INTS11: variants seen among roughly 807,000 people sequenced by gnomAD.
The protein encoded by INTS11 is integrator complex subunit 11.
Under a neutral mutation model 78.6 loss-of-function variants are expected in INTS11, and 77 were observed. The observed-to-expected ratio is 0.98, with a 90% confidence interval of 0.81 to 1.18. INTS11 has a LOEUF of 1.18. Ranked by LOEUF, INTS11 falls within the 50% of genes most tolerant of loss-of-function variation. The pLI is 0.00. For synonymous variants in INTS11, 441 were observed against 326.9 expected, an observed-to-expected ratio of 1.35 and a Z score of -3.77; for missense variants, 875 against 825.9, an observed-to-expected ratio of 1.06 and a Z score of -0.73.
At position 1,314,273 on chromosome 1, in the gene INTS11, C is replaced by T; in HGVS notation, c.767+28G>A. 4.5e-6 allele frequency: 7 copies of T among 1,569,358 alleles called. No individual in the cohort carries two copies. The highest frequency in any genetic ancestry group is 6.0e-6 in the Non-Finnish European group (7 of 1,157,358). On this transcript the variant is annotated intron_variant, in intron 8 of 16. Coordinates refer to ENST00000435064, the MANE Select transcript of INTS11 (RefSeq NM_017871.6). The surrounding 1 kb of genome is among the most constrained non-coding windows in gnomAD (Gnocchi z 4.2). ...TGTGTTCAGGCCGGGCCAGGGGCTC[C>T]TTAAAGAGCCGTCCTGGCGGCACCT... is the stretch of plus-strand genomic sequence containing the variant.
chr1:1,315,437 C>T lies in INTS11; in HGVS notation c.530G>A (p.Gly177Asp). 2 of 1,613,242 alleles carry T rather than the reference C, an allele frequency of 1.2e-6. No homozygotes were observed. The highest frequency in any genetic ancestry group is 8.5e-7 in the Non-Finnish European group (1 of 1,179,948). ...KVGSESVVYT[G>D]DYNMTPDRHL... ...TCGGTCTGGGGTCATGTTATAATCA[C>T]CCTGGTGAACGATCAAGGATGCCAT... The change falls in exon 6 of 17, where the codon GGT (glycine) becomes GAT (aspartate). Residue 177 changes from glycine to aspartate, a missense_variant and splice_region_variant. Coordinates refer to ENST00000435064, the MANE Select transcript of INTS11 (RefSeq NM_017871.6).
Position 1,312,683 on chromosome 1 carries a change from G to A in INTS11, c.1312C>T (p.Pro438Ser), listed in dbSNP as rs1445116259. 3.1e-6 allele frequency: 5 copies of A among 1,594,502 alleles called. No individual in the cohort carries two copies. The highest frequency in any genetic ancestry group is 3.4e-5 in the Admixed American group (2 of 58,986). Reference sequence around the variant, plus strand: ...AGCGTCACCGTCTCGCCATTGGCCGGCATGTAGCAGTTGACCCCTGGACCC... The same window carrying A: ...AGCGTCACCGTCTCGCCATTGGCCGACATGTAGCAGTTGACCCCTGGACCC... ...EQELRVNCYM[P>S]ANGETVTLPT... Residue 438 changes from proline (P) to serine (S), a missense_variant, in exon 13 of 17, where the codon CCG becomes TCG. Pro to Ser is a moderately conservative substitution (Grantham distance 74, BLOSUM62 -1). Coordinates refer to ENST00000435064, the MANE Select transcript of INTS11 (RefSeq NM_017871.6).
intron 1 of INTS11, chr1:1,323,298 C>T (rs1037178933): frequency 1.4e-5 from 22 of 1,544,028 alleles, no homozygotes; most frequent in Middle Eastern, 1.7e-4. Flanking sequence ...CTGTGGAAAA[C>T]GCTAAGGACA....
intron 2 of INTS11, 130 bp from the exon 3 acceptor site, chr1:1,320,659 C>T (rs1169700805): frequency 8.6e-6 from 8 of 932,904 alleles, no homozygotes; most frequent in African/African-American, 1.6e-5. Context: ...ACTCCCATCC[C>T]GCAGGTGGCA....
At position 1,312,155 on chromosome 1, in the gene INTS11, G is replaced by A; in HGVS notation, c.1608-8C>T. ...CAGTGGTCCTTCAGGACGCTGTGGG[G>A]AGGCTCGGTGAGACCCTGCCTGGCC... On this transcript the variant is annotated splice_polypyrimidine_tract_variant and splice_region_variant and intron_variant, in intron 15 of 16. Coordinates refer to ENST00000435064, the MANE Select transcript of INTS11 (RefSeq NM_017871.6). 1.3e-6 allele frequency: 2 copies of A among 1,518,156 alleles called. No homozygotes were observed. Among genetic ancestry groups the A allele is most frequent in the Non-Finnish European group, 1.8e-6 (2 of 1,131,464 alleles). The allele number at this position is 1,518,156 out of a possible 1,614,324, so 94.0% of individuals were successfully genotyped here. A position where few individuals can be genotyped will look rare whatever the true frequency, so the allele number is the denominator to read the frequency against.
Position 1,314,493 on chromosome 1 carries a change from C to T in INTS11, c.703-128G>A. 1.3e-6 allele frequency: 1 copy of T among 790,726 alleles called. No individual in the cohort carries two copies. The allele number at this position is 790,726 out of a possible 1,614,324, so 49.0% of individuals were successfully genotyped here. ...AGGGACCTTAGCCTCTCATCTGCTC[C>T]CAGTCCCGTCCCAGCCGCTCTCCAG... On this transcript the variant is annotated intron_variant, in intron 7 of 16. Coordinates refer to ENST00000435064, the MANE Select transcript of INTS11 (RefSeq NM_017871.6). This position sits in a 1 kb window ranked among gnomAD's most constrained non-coding sequence, Gnocchi z 4.2.
chr1:1,322,573 C>T (rs957672377), intron 1 of INTS11, among the ~76,000 whole-genome samples: 16 of 15,150 alleles, frequency 1.1e-3, no homozygotes, highest in Middle Eastern at 0.071. Context: ...GGGGGAGGGA[C>T]GGGGTGGGGA....
At chr1:1,323,005 A>G (rs916300819) in intron 1 of INTS11, 8 of 1,388,930 alleles carry the variant, frequency 5.8e-6, no homozygotes, top group Non-Finnish European at 7.5e-6. Flanking sequence ...GGCAGCCAAG[A>G]GGCCAAATGG....
intron 1 of INTS11, 62 bp downstream of exon 1, chr1:1,324,519 C>A: frequency 6.6e-7 from 1 of 1,523,708 alleles, no homozygotes; most frequent in East Asian, 2.5e-5. Context: ...AGCGGGGCGC[C>A]CAGCCCGCCC....
At chr1:1,318,167 G>A (rs1366752099) in intron 4 of INTS11, among the ~76,000 whole-genome samples, 1 of 152,136 alleles carries the variant, frequency 6.6e-6, no homozygotes, top group Non-Finnish European at 1.5e-5. Flanking sequence ...ACCGCGCCTG[G>A]CCAAGGCAAA....
chr1:1,319,293 G>A lies in INTS11; in HGVS notation c.429+3C>T. The A allele has an allele frequency of 6.2e-7, 1 of 1,611,716 alleles. No individual in the cohort carries two copies. The highest frequency in any genetic ancestry group is 1.1e-5 in the South Asian group (1 of 91,046). ...GTGCCAGCTGTGGCCCTGGGAACCT[G>A]ACCTGGACCGTCTGGTGGAGGTGGA... On this transcript the variant is annotated splice_donor_region_variant and intron_variant, in intron 4 of 16. Coordinates refer to ENST00000435064, the MANE Select transcript of INTS11 (RefSeq NM_017871.6).
chr1:1,312,308 G>C lies in INTS11; in HGVS notation c.1525C>G (p.Leu509Val), dbSNP rs949448745. Reference protein sequence around the residue: ...LKELGLAEHQLRFTCRVHLHD... With the variant: ...LKELGLAEHQVRFTCRVHLHD... ...AGGTGCACGCGGCAGGTGAAGCGCA[G>C]CTGGTGCTCAGCCAGACCCAGCTCT... is the stretch of plus-strand genomic sequence containing the variant. The change falls in exon 15 of 17, where the codon CTG becomes GTG. Residue 509 changes from leucine to valine, a missense_variant. Transcript: ENST00000435064. The C allele has an allele frequency of 1.2e-5, 19 of 1,551,492 alleles. No homozygotes were observed. The highest frequency in any genetic ancestry group is 1.6e-5 in the Non-Finnish European group (18 of 1,147,546).
Position 1,312,050 on chromosome 1 carries a change from T to C in INTS11, c.1705A>G (p.Thr569Ala). Residue 569 changes from threonine to alanine, a missense_variant, in exon 16 of 17, where the codon ACC becomes GCC. Physicochemically the swap from Thr to Ala is moderately conservative, Grantham distance 58 (BLOSUM62 0). Coordinates refer to ENST00000435064, the MANE Select transcript of INTS11 (RefSeq NM_017871.6). ...QAAAPSEDPG[T>A]KVLLVSWTYQ... ...GTCCAGGAGACCAGCAGCACCTTGG[T>C]GCCTGGGTCCTCAGAAGGGGCGGCG... The C allele has an allele frequency of 6.4e-7, 1 of 1,573,482 alleles. No homozygotes were observed. The highest frequency in any genetic ancestry group is 8.6e-7 in the Non-Finnish European group (1 of 1,158,798).
chr1:1,312,207 G>GGGGGGCGGGGCCC lies in INTS11; in HGVS notation c.1607+18_1607+19insGGGCCCCGCCCCC. 2 of 1,151,086 alleles carry GGGGGGCGGGGCCC rather than the reference G, an allele frequency of 1.7e-6. No individual in the cohort carries two copies. Among genetic ancestry groups the GGGGGGCGGGGCCC allele is most frequent in the Non-Finnish European group, 2.4e-6 (2 of 820,454 alleles). 71.3% of individuals were successfully genotyped at this position (1,151,086 alleles called of 1,614,324 possible). On this transcript the variant is annotated intron_variant, in intron 15 of 16. Coordinates refer to ENST00000435064, the MANE Select transcript of INTS11 (RefSeq NM_017871.6). ...CCAGGGCCCAAGGGAGTGGGGGGGG[G>GGGGGGCGGGGCCC]GCGGGGCCGGGCGCCCACCTCTTGA...
rs983727680 is a variant in INTS11 at position 1,311,869 on chromosome 1, G to A, written c.1793C>T (p.Ala598Val). ...GGTGAGTTGCCGGCCTCAGCTGGGG[G>A]CCTGGGGGAGGCCCTTCTTCAGCAG... ...TSLLKKGLPQ[A>V]PS Residue 598 changes from alanine (A) to valine (V), a missense_variant, in exon 17 of 17, where the codon GCC becomes GTC. By Grantham distance (64) the Ala-to-Val change is moderately conservative. Transcript: ENST00000435064. The A allele has an allele frequency of 2.6e-6, 4 of 1,559,410 alleles. No individual in the cohort carries two copies. The highest frequency in any genetic ancestry group is 3.5e-6 in the Non-Finnish European group (4 of 1,152,422).
Position 1,314,329 on chromosome 1 carries a change from C to A in INTS11, c.739G>T (p.Glu247Ter). The A allele has an allele frequency of 6.2e-7, 1 of 1,606,568 alleles. No homozygotes were observed. The highest frequency in any genetic ancestry group is 2.2e-5 in the East Asian group (1 of 44,526). ...IPVFALGRAQ[E>*]LCILLETFWE... ...AAGGTCTCCAGGAGGATGCAGAGCT[C>A]CTGGGCGCGGCCCAGCGCGAACACA... The change falls in exon 8 of 17, where the codon GAG becomes TAG. Residue 247 changes from glutamate (E) to a stop codon, truncating the protein, a stop_gained. Transcript: ENST00000435064. LOFTEE classifies it high-confidence loss of function. The surrounding 1 kb of genome is among the most constrained non-coding windows in gnomAD (Gnocchi z 4.2).
chr1:1,320,714 C>T, intron 2 of INTS11, 185 bp from the exon 3 acceptor site: 1 of 734,774 alleles, frequency 1.4e-6, no homozygotes, highest in East Asian at 2.7e-5. Flanking sequence ...GCCGAGGTTA[C>T]CCCCAACCTC....
rs1642251448 is a variant in INTS11, at chr1:1,312,298, G to A, written c.1535C>T (p.Thr512Ile). The A allele has an allele frequency of 6.4e-7, 1 of 1,551,016 alleles. No individual in the cohort carries two copies. The highest frequency in any genetic ancestry group is 8.7e-7 in the Non-Finnish European group (1 of 1,147,290). Residue 512 changes from threonine to isoleucine, a missense_variant, in exon 15 of 17, where the codon ACC (threonine) becomes ATC (isoleucine). By Grantham distance (89) the Thr-to-Ile change is moderately conservative. Coordinates refer to ENST00000435064, the MANE Select transcript of INTS11 (RefSeq NM_017871.6). ...LGLAEHQLRF[T>I]CRVHLHDTRK... ...TGTGTCATGCAGGTGCACGCGGCAGGTGAAGCGCAGCTGGTGCTCAGCCAG... is the reference window on the plus strand; with the variant it reads ...TGTGTCATGCAGGTGCACGCGGCAGATGAAGCGCAGCTGGTGCTCAGCCAG...
chr1:1,312,956 A>G lies in INTS11; in HGVS notation c.1132-7T>C. On this transcript the variant is annotated splice_region_variant and splice_polypyrimidine_tract_variant and intron_variant, in intron 11 of 16. Coordinates refer to ENST00000435064, the MANE Select transcript of INTS11 (RefSeq NM_017871.6). ...CCTGCATCTTGACCTCCAGCTACAG[A>G]GGCCACGGGGCGTGGACAGTGGTTA... 6.2e-7 allele frequency: 1 copy of G among 1,611,544 alleles called. No individual in the cohort carries two copies. Among genetic ancestry groups the G allele is most frequent in the Non-Finnish European group, 8.5e-7 (1 of 1,179,036 alleles).
Sources: allele counts gnomAD v4.1 joint callset (sites outside exome capture counted in the v4.1 genomes callset), GRCh38; gene constraint gnomAD v4.1.1; non-coding constraint Gnocchi (gnomAD v3.1); transcripts MANE v1.5; gene names NCBI Gene and HGNC (gene_info 2026-07-23, HGNC 2026-07-21).